Variants in RUBCN observed in about 807,000 individuals in gnomAD.
RUBCN encodes rubicon autophagy regulator.
A neutral mutation model predicts 113.2 loss-of-function variants in RUBCN; 74 were observed. The ratio of observed to expected loss-of-function variants is 0.65; its 90% CI spans 0.54 to 0.79. The LOEUF is 0.79. RUBCN is among the 30% of genes least tolerant of loss of function. The pLI is 0.00. For synonymous variants in RUBCN, 480 were observed against 490.0 expected, an observed-to-expected ratio of 0.98 and a Z score of 0.27; for missense variants, 1,109 against 1,251.7, an observed-to-expected ratio of 0.89 and a Z score of 1.72.
intron 11 of RUBCN, among the ~76,000 whole-genome samples, chr3:197,693,323 T>C (rs1325329867): frequency 6.6e-6 from 1 of 152,198 alleles, no homozygotes; most frequent in Admixed American, 6.5e-5. Flanking sequence ...CAATGATTCT[T>C]TTTGTCCTTT....
At chr3:197,694,234 GATGAGTATTCCTAGC>G (rs1722747281) in intron 10 of RUBCN, 126 bp downstream of exon 10, 1 of 828,636 alleles carries the variant, frequency 1.2e-6, no homozygotes, top group Non-Finnish European at 2.1e-6. Context: ...GCGACTCTAG[GATGAGTATTCCTAGC>G]ATGATAGAAA....
At chr3:197,744,972 A>C (rs57812765) in intron 1 of RUBCN, among the ~76,000 whole-genome samples, 6,948 of 152,188 alleles carry the variant, frequency 0.046, 482 homozygotes, top group African/African-American at 0.16. Context: ...TTATTATCAA[A>C]TATATCTCAA....
In RUBCN at chr3:197,675,992, G is replaced by A. The variant is rs1010312576; in HGVS notation, c.2647-477C>T. On this transcript the variant is annotated intron_variant, in intron 18 of 19. Coordinates refer to ENST00000296343, the MANE Select transcript of RUBCN (RefSeq NM_014687.4). The surrounding 1 kb of genome is among the most constrained non-coding windows in gnomAD (Gnocchi z 4.4). ...CTGTGCCCAGCTCGAATTATGGGAC[G>A]GTCACAGGAACATAAACTGGGCATA... 6.6e-5 allele frequency among the ~76,000 whole-genome samples: 10 copies of A among 152,280 alleles called. No individual in the cohort carries two copies. The East Asian group carries it at 1.3e-3, about 21-fold the overall frequency.
At chr3:197,709,552 G>A (rs1724715373) in intron 2 of RUBCN, among the ~76,000 whole-genome samples, 1 of 152,032 alleles carries the variant, frequency 6.6e-6, no homozygotes, top group South Asian at 2.1e-4. Flanking sequence ...GGCTAGTTTT[G>A]TATTTTTAGT....
intron 12 of RUBCN, 28 bp downstream of exon 12, chr3:197,684,129 C>T (rs1553890582): frequency 2.6e-6 from 4 of 1,556,016 alleles, no homozygotes; most frequent in South Asian, 2.2e-5. Context: ...GTTTTCTTTT[C>T]TTTTTTTTGG....
chr3:197,694,083 G>T (rs1560424058), intron 10 of RUBCN: 2 of 574,878 alleles, frequency 3.5e-6, no homozygotes, highest in Admixed American at 2.3e-5. Context: ...TAGAGCTGGG[G>T]TTTCACCATG....
At chr3:197,742,466 C>T (rs1728564402) in intron 1 of RUBCN, among the ~76,000 whole-genome samples, 1 of 152,068 alleles carries the variant, frequency 6.6e-6, no homozygotes, top group African/African-American at 2.4e-5. Context: ...GCACTCCAGC[C>T]TGGGTGACAA....
chr3:197,694,716 T>C (rs1722816726), intron 9 of RUBCN, 131 bp from the exon 10 acceptor site: 6 of 801,850 alleles, frequency 7.5e-6, no homozygotes, highest in Non-Finnish European at 8.5e-6. Flanking sequence ...AATGGACATT[T>C]CTACTACGAG....
exon 1 of RUBCN, chr3:197,749,356 C>G (rs1243450600): frequency 8.6e-7 from 1 of 1,168,664 alleles, no homozygotes; most frequent in Non-Finnish European, 1.1e-6. Flanking sequence ...GGTACAGACA[C>G]GGGAAACGTT....
intron 1 of RUBCN, chr3:197,748,361 T>C (rs1728848120): frequency 6.6e-6 from 1 of 152,224 alleles, no homozygotes; most frequent in African/African-American, 2.4e-5. Context: ...GTTCTTGAGT[T>C]TCCGAGTCCA....
intron 8 of RUBCN, 130 bp downstream of exon 8, chr3:197,696,822 AAG>A (rs1723062503): frequency 1.5e-6 from 1 of 659,286 alleles, no homozygotes; most frequent in African/African-American, 2.0e-5. Context: ...AAAATGACAA[AAG>A]AGTGACTGAG....
intron 3 of RUBCN, 59 bp from the exon 4 acceptor site, chr3:197,704,760 G>A (rs887312251): frequency 3.0e-5 from 46 of 1,553,218 alleles, no homozygotes; most frequent in Non-Finnish European, 4.0e-5. Flanking sequence ...GCAAGATTGA[G>A]GCCTAATGAC....
Position 197,689,456 on chromosome 3 carries a change from T to C in RUBCN, c.1786+4259A>G, listed in dbSNP as rs987637600. 5.3e-5 allele frequency among the ~76,000 whole-genome samples: 8 copies of C among 152,194 alleles called. No homozygotes were observed. In the East Asian group the frequency reaches 9.6e-4, roughly 18 times the overall value. On this transcript the variant is annotated intron_variant, in intron 11 of 19. Transcript: ENST00000296343. ...ATGCTAGAAAGACCAAATCAAGGCC[T>C]GCCTGGTGGTGAGTGCAGATTGGAC...
At position 197,671,160 on chromosome 3, in the gene RUBCN, A is replaced by G. The variant is rs1475570153; in HGVS notation, c.*3858T>C. ...CTCCCGAGTAGCTGGGATTACAAGCACATGCCACCATGCCTGGCTAATTTT... is the reference window on the plus strand; with the variant it reads ...CTCCCGAGTAGCTGGGATTACAAGCGCATGCCACCATGCCTGGCTAATTTT... On this transcript the variant is annotated 3_prime_UTR_variant, in exon 20 of 20. Coordinates refer to ENST00000296343, the MANE Select transcript of RUBCN (RefSeq NM_014687.4). Among the ~76,000 whole-genome samples the G allele has an allele frequency of 6.6e-6, 1 of 152,162 alleles. No individual in the cohort carries two copies. Among genetic ancestry groups the G allele is most frequent in the Non-Finnish European group, 1.5e-5 (1 of 68,018 alleles).
intron 3 of RUBCN, 89 bp downstream of exon 3, chr3:197,705,003 C>T (rs1022057478): frequency 3.3e-5 from 34 of 1,020,802 alleles, no homozygotes; most frequent in Non-Finnish European, 5.0e-5. Context: ...CATATTCCCT[C>T]CTTGGAGCCT....
intron 2 of RUBCN, among the ~76,000 whole-genome samples, chr3:197,709,128 T>C (rs1185234180): frequency 1.3e-5 from 2 of 152,216 alleles, no homozygotes; most frequent in African/African-American, 4.8e-5. Context: ...TGTTTTAAAT[T>C]AAAATAAAAT....
chr3:197,732,969 C>G (rs1727692458), intron 1 of RUBCN, among the ~76,000 whole-genome samples: 1 of 152,158 alleles, frequency 6.6e-6, no homozygotes, highest in Non-Finnish European at 1.5e-5. Flanking sequence ...GCTTTATGCA[C>G]ATTGTTTTAT....
At chr3:197,749,431 T>C (rs934916030) in exon 1 of RUBCN, 2 of 1,229,506 alleles carry the variant, frequency 1.6e-6, no homozygotes, top group African/African-American at 3.1e-5. Context: ...TGCGTTCAGA[T>C]GCGGCAGCTC....
intron 1 of RUBCN, among the ~76,000 whole-genome samples, chr3:197,722,654 C>T (rs1726293763): frequency 6.7e-6 from 1 of 150,112 alleles, no homozygotes; most frequent in African/African-American, 2.4e-5. Flanking sequence ...AATATATAAA[C>T]ACACACACAC....
Sources: gnomAD v4.1 joint callset for allele counts (sites outside exome capture counted in the v4.1 genomes callset) on GRCh38, gnomAD v4.1.1 for gene constraint, Gnocchi (gnomAD v3.1) non-coding constraint, MANE v1.5 for transcripts, NCBI Gene and HGNC (gene_info 2026-07-23, HGNC 2026-07-21) for gene names.